CCSER1: variants seen among roughly 807,000 people sequenced by gnomAD.
CCSER1 encodes coiled-coil serine rich protein 1.
In CCSER1, 41 loss-of-function variants were observed where a neutral mutation model predicts 82.0. The observed-to-expected ratio is 0.50, with a 90% CI of 0.39 to 0.65. The LOEUF (loss-of-function observed/expected upper bound fraction) is 0.65. Ranked by LOEUF, CCSER1 falls within the 30% of genes least tolerant of loss-of-function variation. The pLI is 0.00. For synonymous variants in CCSER1, 414 were observed against 383.9 expected (o/e 1.08, Z -0.92); for missense variants, 1,119 against 1,064.2 (o/e 1.05, Z -0.72).
At chr4:90,836,785 AT>A (rs1356017533) in intron 8 of CCSER1, among the ~76,000 whole-genome samples, 2 of 152,174 alleles carry the variant, frequency 1.3e-5, no homozygotes, top group Non-Finnish European at 2.9e-5. Flanking sequence ...TCAAGTGTTC[AT>A]CCCCTAACTT....
intron 1 of CCSER1, among the ~76,000 whole-genome samples, chr4:90,197,115 G>T (rs560597936): frequency 5.9e-5 from 9 of 152,056 alleles, no homozygotes; most frequent in Non-Finnish European, 1.0e-4. Flanking sequence ...TCATTAATTT[G>T]CCAGATCAGC....
In CCSER1 at chr4:90,796,540, C is replaced by T. The variant is rs185466016; in HGVS notation, c.2011-19222C>T. ...CTTCTGCTAGCTTTGTGATTTGTTT[C>T]CTCTTGATTTTCTACTTCTTTTAGT... On this transcript the variant is annotated intron_variant, in intron 7 of 10. Transcript: ENST00000509176. Among the ~76,000 whole-genome samples, 511 of 150,994 alleles carry T rather than the reference C, an allele frequency of 3.4e-3. 5 individuals are homozygous for T. Among genetic ancestry groups the T allele is most frequent in the Non-Finnish European group, 3.0e-3 (202 of 67,746 alleles).
intron 8 of CCSER1, chr4:90,838,992 G>A (rs200975463): frequency 1.8e-5 from 29 of 1,612,666 alleles, no homozygotes; most frequent in Admixed American, 6.7e-5. Flanking sequence ...TTCAGTTTCG[G>A]CTTATCGAAT....
chr4:91,598,777 G>C lies in CCSER1; in HGVS notation c.2423G>C (p.Gly808Ala), dbSNP rs1252562740. 2 of 1,551,570 alleles carry C rather than the reference G, an allele frequency of 1.3e-6. No homozygotes were observed. Among genetic ancestry groups the C allele is most frequent in the Non-Finnish European group, 1.7e-6 (2 of 1,146,928 alleles). Residue 808 changes from glycine to alanine, a missense_variant, in exon 11 of 11, where the codon GGA (glycine) becomes GCA (alanine). Coordinates refer to ENST00000509176, the MANE Select transcript of CCSER1 (RefSeq NM_001145065.2). ...ELAEVIKHSR[G>A]TYETLTSDVT... is the part of the protein sequence containing the mutation. ...GCAGAAGTTATCAAACATTCAAGAG[G>C]AACTTATGAAACCCTCACTTCAGAC...
At chr4:90,606,167 A>G (rs1053798263) in intron 5 of CCSER1, among the ~76,000 whole-genome samples, 2 of 151,036 alleles carry the variant, frequency 1.3e-5, no homozygotes, top group African/African-American at 4.9e-5. Flanking sequence ...TTAATAAGTT[A>G]TGGCCATTAT....
chr4:90,705,100 G>C (rs1451666644), intron 6 of CCSER1, among the ~76,000 whole-genome samples: 2 of 152,096 alleles, frequency 1.3e-5, no homozygotes, highest in African/African-American at 4.8e-5. Flanking sequence ...CCATCTTTGT[G>C]GTTTTATCTA....
intron 10 of CCSER1, among the ~76,000 whole-genome samples, chr4:91,392,959 T>C (rs1560635914): frequency 6.6e-6 from 1 of 152,078 alleles, no homozygotes. Context: ...GGAAGTCAGA[T>C]ATAGGGCTGA....
intron 8 of CCSER1, among the ~76,000 whole-genome samples, chr4:90,885,160 A>G (rs1006905028): frequency 6.6e-6 from 1 of 152,162 alleles, no homozygotes; most frequent in African/African-American, 2.4e-5. Flanking sequence ...GAGGAAATCA[A>G]TAACCATGAG....
At chr4:90,834,551 CTG>C (rs1420002642) in intron 8 of CCSER1, among the ~76,000 whole-genome samples, 1 of 152,092 alleles carries the variant, frequency 6.6e-6, no homozygotes, top group Non-Finnish European at 1.5e-5. Flanking sequence ...AAATTAAGAA[CTG>C]TGTCTATATT....
intron 10 of CCSER1, among the ~76,000 whole-genome samples, chr4:91,545,557 T>C (rs1761845708): frequency 6.6e-6 from 1 of 152,176 alleles, no homozygotes; most frequent in Non-Finnish European, 1.5e-5. Flanking sequence ...CTAATATAAA[T>C]AGTAATGTGT....
At chr4:90,446,771 T>TTCCACCTTA (rs1394215170) in intron 4 of CCSER1, among the ~76,000 whole-genome samples, 1 of 152,160 alleles carries the variant, frequency 6.6e-6, no homozygotes, top group African/African-American at 2.4e-5. Context: ...CTGCTTCCCC[T>TTCCACCTTA]TCCACCTTAT....
chr4:91,160,331 T>C (rs1353053470), intron 10 of CCSER1, among the ~76,000 whole-genome samples: 2 of 152,226 alleles, frequency 1.3e-5, no homozygotes, highest in African/African-American at 4.8e-5. Flanking sequence ...GTTTTTGCTA[T>C]TGTGAATAGT....
chr4:90,765,951 A>C (rs1376170904), intron 7 of CCSER1, among the ~76,000 whole-genome samples: 3 of 152,098 alleles, frequency 2.0e-5, no homozygotes, highest in Admixed American at 6.6e-5. Flanking sequence ...ATTTTTAAGA[A>C]ATTTATGACT....
At chr4:90,534,259 A>G (rs571385102) in intron 5 of CCSER1, among the ~76,000 whole-genome samples, 2 of 152,252 alleles carry the variant, frequency 1.3e-5, no homozygotes, top group Non-Finnish European at 2.9e-5. Flanking sequence ...CCTCCCGAGT[A>G]GCTGGGACTA....
At chr4:90,727,363 A>G in intron 7 of CCSER1, 3 of 451,424 alleles carry the variant, frequency 6.6e-6, no homozygotes, top group South Asian at 3.1e-5. Context: ...TTAAAGTGAA[A>G]CATTGCTCTG....
At chr4:91,393,328 C>CA (rs1196515522) in intron 10 of CCSER1, among the ~76,000 whole-genome samples, 1 of 151,828 alleles carries the variant, frequency 6.6e-6, no homozygotes, top group Non-Finnish European at 1.5e-5. Flanking sequence ...TTTTCCTGAA[C>CA]AAAAAGAGTA....
intron 4 of CCSER1, among the ~76,000 whole-genome samples, chr4:90,429,089 G>A (rs753746193): frequency 6.6e-6 from 1 of 151,656 alleles, no homozygotes; most frequent in Non-Finnish European, 1.5e-5. Flanking sequence ...GTGTTGGGGG[G>A]TATTATATAG....
intron 1 of CCSER1, among the ~76,000 whole-genome samples, chr4:90,293,599 A>C (rs942305402): frequency 3.3e-5 from 5 of 150,834 alleles, no homozygotes; most frequent in Non-Finnish European, 5.9e-5. Context: ...TTATAAAATA[A>C]AAAAAGAAAA....
At chr4:90,789,849 C>T (rs557880298) in intron 7 of CCSER1, among the ~76,000 whole-genome samples, 101 of 152,174 alleles carry the variant, frequency 6.6e-4, no homozygotes, top group African/African-American at 1.1e-3. Context: ...TTATCAGCAG[C>T]GTGAAAATGG....
Sources: allele counts gnomAD v4.1 joint callset (sites outside exome capture counted in the v4.1 genomes callset), GRCh38; gene constraint gnomAD v4.1.1; transcripts MANE v1.5; gene names NCBI Gene and HGNC (gene_info 2026-07-23, HGNC 2026-07-21).